Variants in DAB1 observed in about 807,000 individuals in gnomAD.
DAB1 encodes disabled homolog 1.
In DAB1, 15 loss-of-function variants were observed where a neutral mutation model predicts 64.6. The observed-to-expected ratio is 0.23, with a 90% CI of 0.16 to 0.36. The LOEUF (loss-of-function observed/expected upper bound fraction) is 0.36, where lower values mean the gene tolerates loss of function less well. DAB1 is among the 10% of genes least tolerant of loss of function. The pLI is 1.00. For missense variants in DAB1, 596 were observed against 706.7 expected (o/e 0.84, Z 1.78); for synonymous variants, 235 against 251.9 (o/e 0.93, Z 0.64).
At chr1:57,452,268 ATCT>A in intron 7 of DAB1, among the ~76,000 whole-genome samples, 1 of 147,782 alleles carries the variant, frequency 6.8e-6, no homozygotes, top group Middle Eastern at 3.5e-3. Context: ...CATAAAATTA[ATCT>A]TCTCCTGTCT....
intron 5 of DAB1, among the ~76,000 whole-genome samples, chr1:58,106,319 A>C (rs2100642267): frequency 6.6e-6 from 1 of 152,026 alleles, no homozygotes; most frequent in East Asian, 1.9e-4. Context: ...CTAGGACTAC[A>C]TGCACACACA....
intron 7 of DAB1, among the ~76,000 whole-genome samples, chr1:57,581,613 T>C (rs889239651): frequency 2.0e-5 from 3 of 151,698 alleles, no homozygotes; most frequent in Non-Finnish European, 4.4e-5. Context: ...CATGAAATCA[T>C]TTATGTGTGA....
chr1:58,322,736 C>G (rs1037216925), intron 4 of DAB1, among the ~76,000 whole-genome samples: 3 of 152,208 alleles, frequency 2.0e-5, no homozygotes, highest in Admixed American at 6.5e-5. Flanking sequence ...GATCCCATTA[C>G]TGGGTATATA....
chr1:58,469,962 T>C (rs974864495), intron 3 of DAB1, among the ~76,000 whole-genome samples: 5 of 151,948 alleles, frequency 3.3e-5, no homozygotes, highest in African/African-American at 7.2e-5. Context: ...AGGCTAGGCA[T>C]ATAGTAGGCC....
At chr1:57,428,144 G>A (rs1286880488), upstream of DAB1, among the ~76,000 whole-genome samples, 1 of 151,894 alleles carries the variant, frequency 6.6e-6, no homozygotes, top group African/African-American at 2.4e-5. Context: ...CTCCAGCCTG[G>A]GCAACAAGAG....
chr1:58,110,233 CA>C (rs1336894768), intron 5 of DAB1, among the ~76,000 whole-genome samples: 1 of 152,124 alleles, frequency 6.6e-6, no homozygotes, highest in Non-Finnish European at 1.5e-5. Context: ...TGGCATAAAG[CA>C]ATCTAATATT....
intron 1 of DAB1, among the ~76,000 whole-genome samples, chr1:57,392,371 A>G (rs116521034): frequency 0.026 from 3,895 of 152,146 alleles, 175 homozygotes; most frequent in African/African-American, 0.089. Context: ...GACTGTCTCA[A>G]AACAACAACA....
At chr1:58,541,613 T>TAAAAAAA (rs1646616823) in intron 1 of DAB1, 1 of 2,200 alleles carries the variant, frequency 4.5e-4, no homozygotes, top group Non-Finnish European at 9.2e-4. Flanking sequence ...TGAGAACCTG[T>TAAAAAAA]CAAAAAAAAA....
chr1:57,431,171 A>T (rs1312905511), intron 7 of DAB1, among the ~76,000 whole-genome samples: 1 of 151,316 alleles, frequency 6.6e-6, no homozygotes, highest in Admixed American at 6.6e-5. Flanking sequence ...AAACAAAAAA[A>T]AAGAAGACAG....
intron 4 of DAB1, among the ~76,000 whole-genome samples, chr1:58,189,950 C>T (rs990538041): frequency 2.6e-5 from 4 of 152,164 alleles, no homozygotes; most frequent in Non-Finnish European, 1.5e-5. Flanking sequence ...TGTATTTGTC[C>T]TCCTTTTTCC....
chr1:57,328,967 G>T (rs1046542700), intron 1 of DAB1, among the ~76,000 whole-genome samples: 8 of 152,184 alleles, frequency 5.3e-5, no homozygotes, highest in African/African-American at 1.9e-4. Context: ...ATGGTGACAT[G>T]AAATGAGGGC....
At chr1:58,536,869 A>G (rs937572544) in intron 1 of DAB1, 3 of 600,286 alleles carry the variant, frequency 5.0e-6, no homozygotes, top group South Asian at 2.2e-5. Flanking sequence ...CGCTGAATAC[A>G]TCGCTTTTCC....
chr1:57,706,030 A>G (rs1396510528), intron 6 of DAB1, among the ~76,000 whole-genome samples: 1 of 150,830 alleles, frequency 6.6e-6, no homozygotes, highest in Non-Finnish European at 1.5e-5. Flanking sequence ...TAAATTTTAT[A>G]GTGTTTATAC....
At chr1:57,706,701 A>G (rs1646970464) in intron 6 of DAB1, among the ~76,000 whole-genome samples, 1 of 152,118 alleles carries the variant, frequency 6.6e-6, no homozygotes, top group Non-Finnish European at 1.5e-5. Flanking sequence ...TACCCCAACC[A>G]GGAAATTTGT....
chr1:58,511,934 A>T (rs1419834615), intron 2 of DAB1, among the ~76,000 whole-genome samples: 2 of 152,186 alleles, frequency 1.3e-5, no homozygotes, highest in Non-Finnish European at 2.9e-5. Context: ...ACTACCAAAA[A>T]GCTCTGCACA....
chr1:57,227,485 T>G (rs570302595), intron 2 of DAB1, among the ~76,000 whole-genome samples: 1 of 151,144 alleles, frequency 6.6e-6, no homozygotes, highest in Non-Finnish European at 1.5e-5. Context: ...AGAGAATGAC[T>G]AGGGAAAGAA....
chr1:57,580,122 G>T (rs1645296017), intron 7 of DAB1, among the ~76,000 whole-genome samples: 1 of 150,766 alleles, frequency 6.6e-6, no homozygotes, highest in Non-Finnish European at 1.5e-5. Context: ...CCCTGGGGTG[G>T]TTAGGGTGGG....
intron 7 of DAB1, among the ~76,000 whole-genome samples, chr1:57,570,755 G>A (rs1277463457): frequency 2.0e-5 from 3 of 152,056 alleles, no homozygotes; most frequent in South Asian, 4.1e-4. Flanking sequence ...TATTTTGGTG[G>A]GAATTACATT....
intron 2 of DAB1, among the ~76,000 whole-genome samples, chr1:58,524,696 T>C (rs1467247293): frequency 1.3e-5 from 2 of 152,204 alleles, no homozygotes; most frequent in African/African-American, 4.8e-5. Flanking sequence ...ATCTACAGTA[T>C]ATATCAAGCA....
Sources: gnomAD v4.1 joint callset for allele counts (sites outside exome capture counted in the v4.1 genomes callset) on GRCh38, gnomAD v4.1.1 for gene constraint, MANE v1.5 for transcripts, NCBI Gene and HGNC (gene_info 2026-07-23, HGNC 2026-07-21) for gene names.